DLG2: variants seen among roughly 807,000 people sequenced by gnomAD.
DLG2 encodes the protein discs large MAGUK scaffold protein 2, also known as disks large homolog 2.
DLG2 carries 45 observed loss-of-function variants against 132.5 expected under a neutral mutation model. The observed-to-expected ratio is 0.34, with a 90% confidence interval of 0.27 to 0.44. The LOEUF is 0.44. Among genes scored for constraint, DLG2 ranks in the 20% least tolerant of loss-of-function variants. The probability of loss-of-function intolerance (pLI) is 1.00; values close to 1 mark genes in which losing one functional copy is unlikely to be tolerated. For synonymous variants in DLG2, 424 were observed against 419.6 expected (o/e 1.01, Z -0.13); for missense variants, 1,045 against 1,196.9 (o/e 0.87, Z 1.87).
At chr11:85,283,483 G>GA (rs138135370) in intron 4 of DLG2, among the ~76,000 whole-genome samples, 31,223 of 142,644 alleles carry the variant, frequency 0.22, 3,597 homozygotes, top group Non-Finnish European at 0.24. Flanking sequence ...AAACAAACCA[G>GA]AAAAAAAAAC....
At chr11:84,348,758 T>C (rs2098549791) in intron 7 of DLG2, among the ~76,000 whole-genome samples, 1 of 152,142 alleles carries the variant, frequency 6.6e-6, no homozygotes, top group Non-Finnish European at 1.5e-5. Context: ...CCAAAATAAC[T>C]GCTGTCCTTA....
At chr11:83,714,036 C>T (rs1172169737) in intron 18 of DLG2, among the ~76,000 whole-genome samples, 2 of 152,128 alleles carry the variant, frequency 1.3e-5, no homozygotes, top group Non-Finnish European at 2.9e-5. Context: ...GCAAGTGGGA[C>T]ATATTTTTCT....
At chr11:83,712,754 T>C (rs1048928117) in intron 18 of DLG2, among the ~76,000 whole-genome samples, 1 of 152,086 alleles carries the variant, frequency 6.6e-6, no homozygotes, top group African/African-American at 2.4e-5. Context: ...AAGTGGGAGC[T>C]GAATGATGAG....
chr11:84,058,245 C>T (rs973939050), intron 11 of DLG2, among the ~76,000 whole-genome samples: 2 of 151,974 alleles, frequency 1.3e-5, no homozygotes, highest in Non-Finnish European at 2.9e-5. Context: ...TCAAAATCAT[C>T]TAAAATATTT....
At chr11:84,189,480 C>T (rs542039210) in intron 8 of DLG2, among the ~76,000 whole-genome samples, 1 of 151,996 alleles carries the variant, frequency 6.6e-6, no homozygotes, top group Admixed American at 6.6e-5. Flanking sequence ...GGGTATATAC[C>T]CAAGGAATAT....
Position 83,794,435 on chromosome 11 carries a change from TG to T in DLG2, c.1723-7644del, listed in dbSNP as rs1282663120. On this transcript the variant is annotated intron_variant, in intron 17 of 27. Transcript: ENST00000376104. ...TGACACAGCCTCATATATTTACTAT[TG>T]GTTTTTTTTTTTTTTTTTTTTTTTT... Among the ~76,000 whole-genome samples the T allele has an allele frequency of 2.4e-3, 245 of 103,170 alleles. 5 individuals carry two copies. The highest frequency in any genetic ancestry group is 9.8e-3 in the African/African-American group (238 of 24,404). 67.7% of individuals were successfully genotyped at this position (103,170 alleles called of 152,430 possible).
chr11:85,145,354 GATA>G (rs1365734986), intron 5 of DLG2, among the ~76,000 whole-genome samples: 2 of 151,930 alleles, frequency 1.3e-5, no homozygotes, highest in Non-Finnish European at 2.9e-5. Flanking sequence ...TCGTCTACCC[GATA>G]ATATTTTTTC....
chr11:84,169,325 A>C (rs1233388823), intron 8 of DLG2, among the ~76,000 whole-genome samples: 3 of 152,214 alleles, frequency 2.0e-5, no homozygotes, highest in African/African-American at 7.2e-5. Flanking sequence ...GCAGATCTTC[A>C]ATAATGATAG....
At chr11:85,575,651 T>C (rs1202125205) in intron 3 of DLG2, among the ~76,000 whole-genome samples, 1 of 152,178 alleles carries the variant, frequency 6.6e-6, no homozygotes, top group Non-Finnish European at 1.5e-5. Flanking sequence ...TTGCATTTGC[T>C]TTCTCCTTTG....
intron 7 of DLG2, among the ~76,000 whole-genome samples, chr11:84,495,577 G>C (rs1024052238): frequency 1.3e-5 from 2 of 152,070 alleles, no homozygotes; most frequent in Non-Finnish European, 2.9e-5. Context: ...AATATTTGTT[G>C]AATAAACAAA....
chr11:83,518,545 T>C (rs2095374199), intron 21 of DLG2, among the ~76,000 whole-genome samples: 1 of 152,202 alleles, frequency 6.6e-6, no homozygotes, highest in African/African-American at 2.4e-5. Flanking sequence ...CTGCACCCGC[T>C]ATCCGACAAT....
chr11:85,616,399 A>G (rs545197529), intron 2 of DLG2, among the ~76,000 whole-genome samples: 1 of 152,316 alleles, frequency 6.6e-6, no homozygotes, highest in South Asian at 2.1e-4. Context: ...TCATCATAAG[A>G]AGGCAAGTAA....
chr11:83,831,366 CCTTCCAGAGAA>C (rs1199400409), intron 17 of DLG2, among the ~76,000 whole-genome samples: 5 of 152,168 alleles, frequency 3.3e-5, no homozygotes, highest in African/African-American at 9.7e-5. Flanking sequence ...TACTCAACAT[CCTTCCAGAGAA>C]CTGCACCTGA....
rs181180330 is a variant in DLG2, at chr11:83,982,915, C to T, written c.920-2273G>A. 1.6e-3 allele frequency among the ~76,000 whole-genome samples: 251 copies of T among 152,182 alleles called. 1 individual carries two copies. The highest frequency in any genetic ancestry group is 5.6e-3 in the African/African-American group (232 of 41,546). ...TTGTTTTGCAATTGCCTACAGTACG[C>T]AGTATAGTAACATGGTATACAGGTT... is the stretch of plus-strand genomic sequence containing the variant. On this transcript the variant is annotated intron_variant, in intron 11 of 27. Transcript: ENST00000376104.
Position 84,660,704 on chromosome 11 carries a change from GA to G in DLG2, c.358-125974del, listed in dbSNP as rs553321339. Among the ~76,000 whole-genome samples, 16 of 152,242 alleles carry G rather than the reference GA, an allele frequency of 1.1e-4. No individual in the cohort carries two copies. The East Asian group carries it at 2.9e-3, about 28-fold the overall frequency. On this transcript the variant is annotated intron_variant, in intron 6 of 27. Transcript: ENST00000376104. Reference sequence around the variant, plus strand: ...GCCTTTGATTTACGCATTTTCATATGAAAGCCATTTCATCAGCAGTGTTGAA... The same window carrying G: ...GCCTTTGATTTACGCATTTTCATATGAAGCCATTTCATCAGCAGTGTTGAA...
intron 6 of DLG2, among the ~76,000 whole-genome samples, chr11:84,570,894 G>A (rs1197791264): frequency 6.6e-6 from 1 of 152,178 alleles, no homozygotes; most frequent in Admixed American, 6.5e-5. Context: ...TTTCTTCAGA[G>A]AGCGAAGTTA....
At chr11:83,976,337 A>C (rs1459924155) in intron 12 of DLG2, among the ~76,000 whole-genome samples, 1 of 151,956 alleles carries the variant, frequency 6.6e-6, no homozygotes, top group Non-Finnish European at 1.5e-5. Flanking sequence ...GAAGTGTCAG[A>C]AGGAAGTGGT....
intron 5 of DLG2, among the ~76,000 whole-genome samples, chr11:85,149,743 G>A (rs1344652745): frequency 3.9e-5 from 6 of 152,070 alleles, no homozygotes; most frequent in Non-Finnish European, 7.4e-5. Context: ...GGACTGATTA[G>A]TTAAATAAAG....
intron 18 of DLG2, among the ~76,000 whole-genome samples, chr11:83,721,338 C>T (rs949831273): frequency 6.6e-6 from 1 of 152,158 alleles, no homozygotes; most frequent in Admixed American, 6.5e-5. Context: ...TTGAGTAGTT[C>T]CAGTCCCCCA....
Sources: gnomAD v4.1 joint callset for allele counts (sites outside exome capture counted in the v4.1 genomes callset) on GRCh38, gnomAD v4.1.1 for gene constraint, MANE v1.5 for transcripts, NCBI Gene and HGNC (gene_info 2026-07-23, HGNC 2026-07-21) for gene names.